EVC: variants seen among roughly 807,000 people sequenced by gnomAD.
The protein encoded by EVC is evC complex member EVC.
A neutral mutation model predicts 118.9 loss-of-function variants in EVC; 116 were observed. That is an observed-to-expected ratio of 0.98 (90% CI 0.84 to 1.14). The LOEUF (loss-of-function observed/expected upper bound fraction) is 1.14. Among genes scored for constraint, EVC ranks in the 50% most tolerant of loss-of-function variants. The pLI is 0.00. For synonymous variants in EVC, 619 were observed against 534.7 expected, an observed-to-expected ratio of 1.16 and a Z score of -2.18; for missense variants, 1,401 against 1,246.4, an observed-to-expected ratio of 1.12 and a Z score of -1.87.
At chr4:5,780,351 A>G (rs1456715294) in intron 11 of EVC, among the ~76,000 whole-genome samples, 1 of 152,244 alleles carries the variant, frequency 6.6e-6, no homozygotes, top group African/African-American at 2.4e-5. Context: ...ACAATTATCC[A>G]TGTAGCACAC....
At chr4:5,736,505 CA>C (rs1170931918) in intron 5 of EVC, among the ~76,000 whole-genome samples, 1 of 117,012 alleles carries the variant, frequency 8.5e-6, no homozygotes, top group African/African-American at 3.1e-5. Flanking sequence ...AGAGATGCTG[CA>C]TTTTTTTTTT....
At chr4:5,736,025 T>A (rs1560304511) in intron 5 of EVC, among the ~76,000 whole-genome samples, 2 of 152,130 alleles carry the variant, frequency 1.3e-5, no homozygotes, top group South Asian at 4.1e-4. Flanking sequence ...GAGACCCTCA[T>A]GCATCCCAGA....
intron 1 of EVC, among the ~76,000 whole-genome samples, chr4:5,717,237 G>C (rs1458208765): frequency 6.6e-6 from 1 of 152,056 alleles, no homozygotes; most frequent in African/African-American, 2.4e-5. Flanking sequence ...CAATTTTGAA[G>C]AGTCATTTTT....
intron 5 of EVC, among the ~76,000 whole-genome samples, chr4:5,739,904 A>AC (rs1728256623): frequency 6.6e-6 from 1 of 151,680 alleles, no homozygotes; most frequent in Admixed American, 6.6e-5. Context: ...CATCTCAAAA[A>AC]AAAAAAAAAA....
At chr4:5,785,801 G>T (rs1381669193) in intron 12 of EVC, among the ~76,000 whole-genome samples, 1 of 152,208 alleles carries the variant, frequency 6.6e-6, no homozygotes, top group African/African-American at 2.4e-5. Flanking sequence ...TTACAGTGTT[G>T]CCTTTGCCCT....
chr4:5,711,307 C>A lies in EVC; in HGVS notation c.-74C>A, dbSNP rs554236040. 1.9e-4 allele frequency: 190 copies of A among 974,722 alleles called. No individual in the cohort carries two copies. In the African/African-American group the frequency reaches 3.2e-3, roughly 16 times the overall value. The allele number at this position is 974,722 out of a possible 1,614,324, so 60.4% of individuals were successfully genotyped here. ...CCCCTGGCCCGCCCGGGCTCCAAGT[C>A]CCGCGTCGCCGCCCTGGCGGGGACG... On this transcript the variant is annotated 5_prime_UTR_variant, in exon 1 of 21. Transcript: ENST00000264956.
At position 5,745,744 on chromosome 4, in the gene EVC, G is replaced by T. The variant is rs911126444; in HGVS notation, c.939+403G>T. Among the ~76,000 whole-genome samples, 3 of 152,074 alleles carry T rather than the reference G, an allele frequency of 2.0e-5. No individual in the cohort carries two copies. In the East Asian group the frequency reaches 5.8e-4, roughly 29 times the overall value. Reference sequence around the variant, plus strand: ...GAAACATCGTTTTTCTTTTCTTTTGGGTTCCACCACCCCCTGTTCATATAT... The same window carrying T: ...GAAACATCGTTTTTCTTTTCTTTTGTGTTCCACCACCCCCTGTTCATATAT... On this transcript the variant is annotated intron_variant, in intron 7 of 20. Transcript: ENST00000264956.
chr4:5,779,416 A>G (rs1208806178), intron 11 of EVC, among the ~76,000 whole-genome samples: 11 of 148,686 alleles, frequency 7.4e-5, no homozygotes, highest in South Asian at 4.2e-4. Flanking sequence ...CATTGAATCT[A>G]TAAATTACCT....
At chr4:5,726,293 C>T (rs531396978) in intron 2 of EVC, among the ~76,000 whole-genome samples, 11 of 152,342 alleles carry the variant, frequency 7.2e-5, no homozygotes, top group Admixed American at 2.0e-4. Flanking sequence ...TGGTCTGCAG[C>T]GCCAGGCTTT....
chr4:5,820,250 T>TATCA, the EVC span, among the ~76,000 whole-genome samples: 1 of 152,146 alleles, frequency 6.6e-6, no homozygotes, highest in African/African-American at 2.4e-5. Context: ...ACTTCATCAC[T>TATCA]ATCACCAACA....
intron 5 of EVC, among the ~76,000 whole-genome samples, 189 bp downstream of exon 5, chr4:5,733,624 G>C (rs576753749): frequency 4.5e-4 from 68 of 152,286 alleles, no homozygotes; most frequent in Non-Finnish European, 8.4e-4. Flanking sequence ...CACGCCTGTT[G>C]GTGGGGCATG....
chr4:5,767,974 A>C (rs771925940), intron 11 of EVC, among the ~76,000 whole-genome samples: 5 of 152,150 alleles, frequency 3.3e-5, no homozygotes, highest in Admixed American at 6.5e-5. Flanking sequence ...TCTGCTAACC[A>C]GGCATCTTGG....
In EVC at chr4:5,812,336, G is replaced by A. The variant is rs562484626; in HGVS notation, c.*1299G>A. ...ACCAGCCCTCTCACTACAGCCAGAAGAGGCCTTTCCCACCGGGAGAGGAAC... is the reference window on the plus strand; with the variant it reads ...ACCAGCCCTCTCACTACAGCCAGAAAAGGCCTTTCCCACCGGGAGAGGAAC... On this transcript the variant is annotated 3_prime_UTR_variant, in exon 21 of 21. Coordinates refer to ENST00000264956, the MANE Select transcript of EVC (RefSeq NM_153717.3). 6.4e-6 allele frequency: 1 copy of A among 155,908 alleles called. No homozygotes were observed. Among genetic ancestry groups the A allele is most frequent in the East Asian group, 2.1e-4 (1 of 4,868 alleles). 9.7% of individuals were successfully genotyped at this position (155,908 alleles called of 1,614,324 possible).
intron 2 of EVC, 30 bp from the exon 3 acceptor site, chr4:5,729,277 T>G (rs199748764): frequency 6.2e-7 from 1 of 1,608,528 alleles, no homozygotes; most frequent in South Asian, 1.1e-5. Context: ...ACAGAAAGTT[T>G]CCCATGCCGT....
intron 11 of EVC, among the ~76,000 whole-genome samples, chr4:5,769,402 G>C (rs10029221): frequency 1.8e-4 from 27 of 151,916 alleles, no homozygotes; most frequent in African/African-American, 6.3e-4. Flanking sequence ...TGAGATTTAG[G>C]TGGGGACACA....
At chr4:5,761,753 A>T (rs540321715) in intron 11 of EVC, among the ~76,000 whole-genome samples, 52 of 151,870 alleles carry the variant, frequency 3.4e-4, no homozygotes, top group African/African-American at 1.1e-3. Flanking sequence ...AGAAAGCCTT[A>T]TGGTGGTTGG....
rs554277204 is a variant in EVC, at chr4:5,778,651, T to G, written c.1564-4901T>G. ...CATCAATGTCTTCTTTTGAGAAGTG[T>G]CTGTTCATGTCCTTCGCCCACTTTT... On this transcript the variant is annotated intron_variant, in intron 11 of 20. Coordinates refer to ENST00000264956, the MANE Select transcript of EVC (RefSeq NM_153717.3). 2.0e-5 allele frequency among the ~76,000 whole-genome samples: 3 copies of G among 152,310 alleles called. No homozygotes were observed. The South Asian group carries it at 6.2e-4, about 32-fold the overall frequency.
rs1728025117 is a variant in EVC at position 5,738,509 on chromosome 4, A to G, written c.703-3207A>G. Among the ~76,000 whole-genome samples, 1 of 152,110 alleles carries G rather than the reference A, an allele frequency of 6.6e-6. No individual in the cohort carries two copies. The highest frequency in any genetic ancestry group is 6.5e-5 in the Admixed American group (1 of 15,274). On this transcript the variant is annotated intron_variant, in intron 5 of 20. Coordinates refer to ENST00000264956, the MANE Select transcript of EVC (RefSeq NM_153717.3). The surrounding 1 kb of genome is among the most constrained non-coding windows in gnomAD (Gnocchi z 6.5). ...CTTCAGAGTGGTCTTATTTTAAGAA[A>G]CTGCCACAGCCACCCTAACCTTCAG...
At chr4:5,804,562 G>A (rs1298726745) in intron 16 of EVC, among the ~76,000 whole-genome samples, 168 bp from the exon 17 acceptor site, 1 of 152,140 alleles carries the variant, frequency 6.6e-6, no homozygotes, top group East Asian at 1.9e-4. Context: ...GTCCATGATG[G>A]AAGCTGTGTT....
Sources: gnomAD v4.1 joint callset for allele counts (sites outside exome capture counted in the v4.1 genomes callset) on GRCh38, gnomAD v4.1.1 for gene constraint, Gnocchi (gnomAD v3.1) non-coding constraint, MANE v1.5 for transcripts, NCBI Gene and HGNC (gene_info 2026-07-23, HGNC 2026-07-21) for gene names.